TMEM204: variants seen among roughly 807,000 people sequenced by gnomAD.
TMEM204 encodes the protein transmembrane protein 204, also known as claudin-like protein 24.
In TMEM204, 15 loss-of-function variants were observed where a neutral mutation model predicts 19.4. The observed-to-expected ratio is 0.77, with a 90% CI of 0.52 to 1.19. TMEM204 has a LOEUF of 1.19. TMEM204 is among the 50% of genes most tolerant of loss of function. TMEM204 has a pLI of 0.00. For synonymous variants in TMEM204, 161 were observed against 146.0 expected (o/e 1.10, Z -0.74); for missense variants, 287 against 321.2 (o/e 0.89, Z 0.81).
intron 2 of TMEM204, among the ~76,000 whole-genome samples, chr16:1,549,487 C>T (rs1322185419): frequency 3.3e-5 from 5 of 152,142 alleles, no homozygotes; most frequent in Admixed American, 1.3e-4. Context: ...AGGGCAATGG[C>T]GTGCAATCTC....
Position 1,553,180 on chromosome 16 carries a change from C to T in TMEM204, c.437-1602C>T, listed in dbSNP as rs990081114. On this transcript the variant is annotated intron_variant, in intron 2 of 2. Coordinates refer to ENST00000566264, the MANE Select transcript of TMEM204 (RefSeq NM_024600.6). The surrounding 1 kb of genome is among the most constrained non-coding windows in gnomAD (Gnocchi z 4.4). ...AGGCTGGTTACCCATCTCTTGCTCT[C>T]TGTCTCTCCTTCCCTGTGTCTCTGT... 2.0e-6 allele frequency: 2 copies of T among 985,224 alleles called. No homozygotes were observed. Among genetic ancestry groups the T allele is most frequent in the African/African-American group, 3.5e-5 (2 of 57,342 alleles). 61.0% of individuals were successfully genotyped at this position (985,224 alleles called of 1,614,324 possible). A position where few individuals can be genotyped will look rare whatever the true frequency, so the allele number is the denominator to read the frequency against.
intron 2 of TMEM204, among the ~76,000 whole-genome samples, chr16:1,544,930 G>C (rs2032039859): frequency 6.6e-6 from 1 of 152,240 alleles, no homozygotes; most frequent in South Asian, 2.1e-4. Context: ...TTACAAGCGT[G>C]AGCCACGGCA....
At chr16:1,535,776 G>C (rs1452504871) in intron 1 of TMEM204, among the ~76,000 whole-genome samples, 2 of 152,244 alleles carry the variant, frequency 1.3e-5, no homozygotes, top group African/African-American at 4.8e-5. Flanking sequence ...GCACAGCCTG[G>C]ACTGCGCACT....
At chr16:1,533,505 G>A (rs540499588), upstream of TMEM204, 1 of 152,536 alleles carries the variant, frequency 6.6e-6, no homozygotes, top group African/African-American at 2.4e-5. This position sits in a 1 kb window ranked among gnomAD's most constrained non-coding sequence, Gnocchi z 4.7. Flanking sequence ...AGGAAGATGG[G>A]GAGGGGCGGC....
chr16:1,534,516 G>A lies in TMEM204; in HGVS notation c.241G>A (p.Glu81Lys), dbSNP rs778002297. 7.5e-6 allele frequency: 12 copies of A among 1,607,056 alleles called. 1 individual carries two copies. Among genetic ancestry groups the A allele is most frequent in the East Asian group, 4.5e-5 (2 of 44,886 alleles). ...CTGTGAGGCGCTGGGCTGGGGCTCC[G>A]AGGCAGCCGGCTTCCAGGAGTCCCG... ...HDCEALGWGS[E>K]AAGFQESRGT... The change falls in exon 1 of 3, where the codon GAG (glutamate) becomes AAG (lysine). Residue 81 changes from glutamate to lysine, a missense_variant. By Grantham distance (56) the Glu-to-Lys change is moderately conservative. Transcript: ENST00000566264.
At chr16:1,541,407 G>GTT (rs905586951) in intron 1 of TMEM204, 20 of 985,254 alleles carry the variant, frequency 2.0e-5, no homozygotes, top group Non-Finnish European at 2.4e-5. Context: ...TGGGAGGAGG[G>GTT]AACACCACCA....
At chr16:1,542,930 G>T (rs933318854) in intron 2 of TMEM204, among the ~76,000 whole-genome samples, 1 of 152,248 alleles carries the variant, frequency 6.6e-6, no homozygotes, top group African/African-American at 2.4e-5. Context: ...TGTCGTCAAC[G>T]ACCTATGGAA....
At chr16:1,546,591 T>A (rs1182643917) in intron 2 of TMEM204, among the ~76,000 whole-genome samples, 1 of 152,164 alleles carries the variant, frequency 6.6e-6, no homozygotes, top group Non-Finnish European at 1.5e-5. Flanking sequence ...CCGAGGCGCA[T>A]CCCACGTGCT....
upstream of TMEM204, among the ~76,000 whole-genome samples, chr16:1,530,466 C>T (rs1171398597): frequency 2.0e-5 from 3 of 152,188 alleles, no homozygotes; most frequent in Non-Finnish European, 4.4e-5. Context: ...CCCGATTGTG[C>T]ACACCCTCTC....
rs1335567250 is a variant in TMEM204, at chr16:1,555,456, T to C, written c.*430T>C. The C allele has an allele frequency of 1.1e-5, 2 of 183,488 alleles. No individual in the cohort carries two copies. The highest frequency in any genetic ancestry group is 3.1e-4 in the East Asian group (2 of 6,368). The allele number at this position is 183,488 out of a possible 1,614,324, so 11.4% of individuals were successfully genotyped here. ...AAATTTTCTTAAAATATCCACAATATTCCTTGAGTGAGTCAGAATCTATAG... is the reference window on the plus strand; with the variant it reads ...AAATTTTCTTAAAATATCCACAATACTCCTTGAGTGAGTCAGAATCTATAG... On this transcript the variant is annotated 3_prime_UTR_variant, in exon 3 of 3. Transcript: ENST00000566264.
At chr16:1,545,462 C>T (rs1043421347) in intron 2 of TMEM204, among the ~76,000 whole-genome samples, 1 of 152,206 alleles carries the variant, frequency 6.6e-6, no homozygotes, top group African/African-American at 2.4e-5. Flanking sequence ...ACAAACAGGA[C>T]AGAAAGTAGC....
At chr16:1,528,846 C>T (rs2030119635), upstream of TMEM204, 1 of 152,256 alleles carries the variant, frequency 6.6e-6, no homozygotes, top group Admixed American at 6.5e-5. Context: ...TCCTAACGGC[C>T]CTGCCCCTGT....
intron 2 of TMEM204, among the ~76,000 whole-genome samples, chr16:1,542,656 C>T (rs758254191): frequency 1.3e-4 from 20 of 152,274 alleles, no homozygotes; most frequent in African/African-American, 1.7e-4. Flanking sequence ...AGTGAGAACA[C>T]GCTAGCACGT....
At chr16:1,541,606 G>T in intron 1 of TMEM204, 1 of 582,808 alleles carries the variant, frequency 1.7e-6, no homozygotes, top group Non-Finnish European at 2.2e-6. Flanking sequence ...CAAGGGTCAA[G>T]TCAGGCAGAG....
chr16:1,540,979 C>T, intron 1 of TMEM204: 3 of 985,132 alleles, frequency 3.0e-6, no homozygotes, highest in Non-Finnish European at 3.6e-6. Flanking sequence ...TTCACCACCA[C>T]CTCATTTGGG....
At chr16:1,543,262 AG>A (rs1222508818) in intron 2 of TMEM204, among the ~76,000 whole-genome samples, 2 of 152,256 alleles carry the variant, frequency 1.3e-5, no homozygotes, top group Non-Finnish European at 2.9e-5. Context: ...AGGAAGTGGC[AG>A]GAAGTCCAGA....
chr16:1,544,679 C>T (rs959522563), intron 2 of TMEM204, among the ~76,000 whole-genome samples: 10 of 151,728 alleles, frequency 6.6e-5, no homozygotes, highest in South Asian at 2.1e-4. Context: ...GATGGAGTCT[C>T]GCCCTGTGGC....
Position 1,553,170 on chromosome 16 carries a change from C to A in TMEM204, c.437-1612C>A. 1.0e-6 allele frequency: 1 copy of A among 985,382 alleles called. No homozygotes were observed. Among genetic ancestry groups the A allele is most frequent in the South Asian group, 4.7e-5 (1 of 21,288 alleles). 61.0% of individuals were successfully genotyped at this position (985,382 alleles called of 1,614,324 possible). A position where few individuals can be genotyped will look rare whatever the true frequency, so the allele number is the denominator to read the frequency against. ...AGGAAAAACAAGGCTGGTTACCCAT[C>A]TCTTGCTCTCTGTCTCTCCTTCCCT... On this transcript the variant is annotated intron_variant, in intron 2 of 2. Coordinates refer to ENST00000566264, the MANE Select transcript of TMEM204 (RefSeq NM_024600.6). This position sits in a 1 kb window ranked among gnomAD's most constrained non-coding sequence, Gnocchi z 4.4.
At chr16:1,543,387 T>C (rs543546545) in intron 2 of TMEM204, among the ~76,000 whole-genome samples, 233 of 152,358 alleles carry the variant, frequency 1.5e-3, no homozygotes, top group Non-Finnish European at 2.5e-3. Context: ...GAAAGTGCCC[T>C]GAGCGAGTCA....
Sources: allele counts gnomAD v4.1 joint callset (sites outside exome capture counted in the v4.1 genomes callset), GRCh38; gene constraint gnomAD v4.1.1; non-coding constraint Gnocchi (gnomAD v3.1); transcripts MANE v1.5; gene names NCBI Gene and HGNC (gene_info 2026-07-23, HGNC 2026-07-21).